Variants in ICA1 observed in about 807,000 individuals in gnomAD.
ICA1 encodes the protein 69 kDa islet cell autoantigen.
A neutral mutation model predicts 71.0 loss-of-function variants in ICA1; 40 were observed. The ratio of observed to expected loss-of-function variants is 0.56; its 90% confidence interval spans 0.44 to 0.73. The LOEUF (loss-of-function observed/expected upper bound fraction) is 0.73. Among genes scored for constraint, ICA1 ranks in the 30% least tolerant of loss-of-function variants. The probability of loss-of-function intolerance (pLI) is 0.00; values close to 1 mark genes in which losing one functional copy is unlikely to be tolerated. For missense variants in ICA1, 578 were observed against 576.5 expected (o/e 1.00, Z -0.03); for synonymous variants, 207 against 209.5 (o/e 0.99, Z 0.10).
intron 6 of ICA1, among the ~76,000 whole-genome samples, chr7:8,172,147 T>A (rs1287759236): frequency 6.6e-6 from 1 of 152,078 alleles, no homozygotes; most frequent in African/African-American, 2.4e-5. Context: ...TCCTTATTGA[T>A]TTCTGTCTAT....
At chr7:8,188,917 G>A (rs1210386209) in intron 6 of ICA1, among the ~76,000 whole-genome samples, 2 of 152,154 alleles carry the variant, frequency 1.3e-5, no homozygotes, top group East Asian at 3.9e-4. Flanking sequence ...TGAGGCCAGG[G>A]GACCATGCCA....
At chr7:8,237,140 T>G (rs1008846299) in intron 1 of ICA1, among the ~76,000 whole-genome samples, 1 of 152,172 alleles carries the variant, frequency 6.6e-6, no homozygotes, top group African/African-American at 2.4e-5. Flanking sequence ...CATCCTGCAG[T>G]GAACATCTCT....
intron 1 of ICA1, among the ~76,000 whole-genome samples, chr7:8,250,302 G>A (rs2128522932): frequency 6.6e-6 from 1 of 152,118 alleles, no homozygotes; most frequent in East Asian, 1.9e-4. Context: ...GAAAAAAACT[G>A]GAACAATTCC....
Position 8,119,732 on chromosome 7 carries a change from G to C in ICA1, c.1331-5688C>G, listed in dbSNP as rs188633030. 1.6e-3 allele frequency among the ~76,000 whole-genome samples: 244 copies of C among 152,256 alleles called. 1 individual carries two copies. The highest frequency in any genetic ancestry group is 5.7e-3 in the African/African-American group (237 of 41,550). On this transcript the variant is annotated intron_variant, in intron 13 of 13. Transcript: ENST00000402384. ...GTGGTGGCGGGCACCTGTAATCCTA[G>C]CTACTCAGGAGGTTGAGGCAGGAGA...
chr7:8,236,022 A>G lies in ICA1; in HGVS notation c.-79-17T>C. On this transcript the variant is annotated splice_polypyrimidine_tract_variant and intron_variant, in intron 1 of 13. Coordinates refer to ENST00000402384, the MANE Select transcript of ICA1 (RefSeq NM_001136020.3). The stretch of plus-strand genomic sequence containing the variant: ...TATTATAACCTGAAATAAAACAAAT[A>G]TGTTTAATAGTTACACACCATATTA... 1.6e-6 allele frequency: 2 copies of G among 1,284,978 alleles called. No homozygotes were observed. Among genetic ancestry groups the G allele is most frequent in the Non-Finnish European group, 2.2e-6 (2 of 893,590 alleles). The allele number at this position is 1,284,978 out of a possible 1,614,324, so 79.6% of individuals were successfully genotyped here.
intron 8 of ICA1, among the ~76,000 whole-genome samples, chr7:8,147,234 G>C (rs1055728936): frequency 6.6e-6 from 1 of 151,850 alleles, no homozygotes; most frequent in Non-Finnish European, 1.5e-5. Context: ...AACCACACTT[G>C]AGCAGCTCTC....
At chr7:8,118,386 G>A (rs1785461462) in intron 13 of ICA1, among the ~76,000 whole-genome samples, 1 of 152,214 alleles carries the variant, frequency 6.6e-6, no homozygotes, top group Non-Finnish European at 1.5e-5. Flanking sequence ...AGCTATCTGG[G>A]ACCGTGGAAA....
At chr7:8,149,924 A>G (rs1426317824) in intron 8 of ICA1, among the ~76,000 whole-genome samples, 1 of 152,230 alleles carries the variant, frequency 6.6e-6, no homozygotes, top group Admixed American at 6.5e-5. Context: ...CACATAATTC[A>G]TGGACATTTA....
At chr7:8,227,032 C>A (rs1798799462) in intron 4 of ICA1, among the ~76,000 whole-genome samples, 1 of 152,118 alleles carries the variant, frequency 6.6e-6, no homozygotes, top group Admixed American at 6.5e-5. Context: ...AGTGGACACA[C>A]CAACTTCATG....
intron 3 of ICA1, among the ~76,000 whole-genome samples, chr7:8,229,055 GT>G (rs149118984): frequency 9.9e-5 from 15 of 150,802 alleles, no homozygotes; most frequent in East Asian, 7.8e-4. Context: ...ACTTGCTGTG[GT>G]TTTTTTTTAA....
At chr7:8,168,315 A>T (rs1584829124) in intron 6 of ICA1, among the ~76,000 whole-genome samples, 1 of 152,192 alleles carries the variant, frequency 6.6e-6, no homozygotes, top group African/African-American at 2.4e-5. Flanking sequence ...TTAGAAACAC[A>T]GAACCCTTTC....
chr7:8,183,461 C>G (rs1782883157), intron 6 of ICA1, among the ~76,000 whole-genome samples: 1 of 152,130 alleles, frequency 6.6e-6, no homozygotes, highest in Non-Finnish European at 1.5e-5. Context: ...AAGGTTTTTG[C>G]AGAGGGGAAT....
At chr7:8,189,829 G>A (rs1328014815) in intron 6 of ICA1, among the ~76,000 whole-genome samples, 1 of 152,212 alleles carries the variant, frequency 6.6e-6, no homozygotes, top group African/African-American at 2.4e-5. Flanking sequence ...GGAGCCTACA[G>A]CAGCCTCTGA....
intron 1 of ICA1, among the ~76,000 whole-genome samples, chr7:8,239,271 G>T (rs532478768): frequency 2.3e-4 from 35 of 152,196 alleles, no homozygotes; most frequent in African/African-American, 8.2e-4. Flanking sequence ...CATTTAAATT[G>T]CTACTTTAAA....
intron 6 of ICA1, among the ~76,000 whole-genome samples, chr7:8,200,215 T>C (rs1353691777): frequency 6.7e-6 from 1 of 149,540 alleles, no homozygotes; most frequent in Admixed American, 6.7e-5. Context: ...AAATAAAATT[T>C]AAAAAATTAA....
At chr7:8,218,721 T>C in intron 5 of ICA1, 1 of 571,440 alleles carries the variant, frequency 1.7e-6, no homozygotes, top group Non-Finnish European at 3.1e-6. Flanking sequence ...AGTTTACTGC[T>C]ACTAACTGGA....
chr7:8,136,479 C>T (rs1004929734), intron 12 of ICA1, among the ~76,000 whole-genome samples: 1 of 152,174 alleles, frequency 6.6e-6, no homozygotes, highest in African/African-American at 2.4e-5. Context: ...TTCTTTTCTT[C>T]AGTCACCACA....
intron 8 of ICA1, among the ~76,000 whole-genome samples, chr7:8,149,824 G>A (rs1268792679): frequency 6.6e-6 from 1 of 152,160 alleles, no homozygotes; most frequent in East Asian, 1.9e-4. Flanking sequence ...TTTAAAAAGT[G>A]CTGAATTCAG....
At position 8,231,691 on chromosome 7, in the gene ICA1, G is replaced by A. The variant is rs188607610; in HGVS notation, c.183+899C>T. 1.5e-3 allele frequency among the ~76,000 whole-genome samples: 230 copies of A among 152,190 alleles called. 1 individual carries two copies. The highest frequency in any genetic ancestry group is 5.3e-3 in the African/African-American group (220 of 41,538). Reference sequence around the variant, plus strand: ...CCTCAAAGGCAGCCCAGTTCTCACGGGGCAGCCTTAACATTACAAAGTTCT... The same window carrying A: ...CCTCAAAGGCAGCCCAGTTCTCACGAGGCAGCCTTAACATTACAAAGTTCT... On this transcript the variant is annotated intron_variant, in intron 3 of 13. Coordinates refer to ENST00000402384, the MANE Select transcript of ICA1 (RefSeq NM_001136020.3).
Sources: allele counts gnomAD v4.1 joint callset (sites outside exome capture counted in the v4.1 genomes callset), GRCh38; gene constraint gnomAD v4.1.1; transcripts MANE v1.5; gene names NCBI Gene and HGNC (gene_info 2026-07-23, HGNC 2026-07-21).